Variants in SUMF1 observed in about 807,000 individuals in gnomAD.
SUMF1 encodes the protein formylglycine-generating enzyme.
In SUMF1, 48 loss-of-function variants were observed where a neutral mutation model predicts 47.6. That is an observed-to-expected ratio of 1.01 (90% CI 0.80 to 1.28). The LOEUF (loss-of-function observed/expected upper bound fraction) is 1.28, where lower values mean the gene tolerates loss of function less well. Among genes scored for constraint, SUMF1 ranks in the 50% most tolerant of loss-of-function variants. SUMF1 has a pLI of 0.00. For missense variants in SUMF1, 571 were observed against 485.4 expected, an observed-to-expected ratio of 1.18 and a Z score of -1.66; for synonymous variants, 230 against 192.1, an observed-to-expected ratio of 1.20 and a Z score of -1.63.
At chr3:4,161,008 T>C (rs1435971393) in intron 8 of SUMF1, among the ~76,000 whole-genome samples, 2 of 152,110 alleles carry the variant, frequency 1.3e-5, no homozygotes, top group Non-Finnish European at 2.9e-5. Context: ...GGTATTGTGA[T>C]CTAAATTTTT....
chr3:4,424,717 T>C (rs547660827), intron 3 of SUMF1, among the ~76,000 whole-genome samples: 1 of 152,358 alleles, frequency 6.6e-6, no homozygotes, highest in East Asian at 1.9e-4. Flanking sequence ...AAAGGTAACC[T>C]ATAGAATACA....
chr3:4,389,548 C>T (rs73809535), intron 7 of SUMF1, among the ~76,000 whole-genome samples: 5,488 of 152,252 alleles, frequency 0.036, 152 homozygotes, highest in African/African-American at 0.08. Flanking sequence ...AAGGACTCTT[C>T]TCATGCTGTC....
intron 8 of SUMF1, among the ~76,000 whole-genome samples, chr3:4,074,765 G>A (rs1019544924): frequency 6.6e-6 from 1 of 151,940 alleles, no homozygotes; most frequent in Non-Finnish European, 1.5e-5. Flanking sequence ...CCTGGATACA[G>A]ACACCCACCC....
chr3:4,135,201 G>A (rs1316447244), intron 8 of SUMF1, among the ~76,000 whole-genome samples: 1 of 152,134 alleles, frequency 6.6e-6, no homozygotes, highest in African/African-American at 2.4e-5. Context: ...TATCCTTGAT[G>A]AATATTGATG....
intron 8 of SUMF1, among the ~76,000 whole-genome samples, chr3:4,264,918 G>A (rs1697158096): frequency 6.6e-6 from 1 of 152,132 alleles, no homozygotes; most frequent in Admixed American, 6.5e-5. Flanking sequence ...TGGATCATCT[G>A]AGATCAGGAG....
Position 4,466,183 on chromosome 3 carries a change from C to T in SUMF1, c.270+793G>A, listed in dbSNP as rs1026273854. The stretch of plus-strand genomic sequence containing the variant: ...CTGGAGTGCAGTGGCAAGATCTCGG[C>T]TCACTGCAACCTCCGCCTCCCGGGT... On this transcript the variant is annotated intron_variant, in intron 1 of 8. Transcript: ENST00000272902. Among the ~76,000 whole-genome samples the T allele has an allele frequency of 2.0e-5, 3 of 152,186 alleles. No individual in the cohort carries two copies. In the East Asian group the frequency reaches 5.8e-4, roughly 29 times the overall value.
At chr3:4,375,701 A>G (rs1318579956) in intron 8 of SUMF1, among the ~76,000 whole-genome samples, 6 of 152,144 alleles carry the variant, frequency 3.9e-5, no homozygotes, top group Non-Finnish European at 7.4e-5. Context: ...AGGAGACGTG[A>G]AAAATATATG....
chr3:4,167,491 T>C (rs1179832287), intron 8 of SUMF1, among the ~76,000 whole-genome samples: 4 of 152,216 alleles, frequency 2.6e-5, no homozygotes, highest in African/African-American at 4.8e-5. Context: ...ACAGTGCTGA[T>C]TGGTACATTT....
chr3:4,362,306 G>A (rs922591779), intron 8 of SUMF1, 52 bp from the exon 9 acceptor site: 1 of 1,496,036 alleles, frequency 6.7e-7, no homozygotes, highest in Non-Finnish European at 9.3e-7. Flanking sequence ...TCAGCTGAAG[G>A]CTCTAACCCA....
Position 4,299,990 on chromosome 3 carries a change from G to A in SUMF1, c.1014+76340C>T, listed in dbSNP as rs932032992. Among the ~76,000 whole-genome samples, 20 of 152,054 alleles carry A rather than the reference G, an allele frequency of 1.3e-4. 1 individual carries two copies. The highest frequency in any genetic ancestry group is 4.4e-5 in the Non-Finnish European group (3 of 68,006). On this transcript the variant is annotated intron_variant and NMD_transcript_variant, in intron 8 of 12. Transcript: ENST00000448413. ...TTCTACATAGAATCAATTCCCTATTGATATAATTTGGATATTTGTCCTCAT... is the reference window on the plus strand; with the variant it reads ...TTCTACATAGAATCAATTCCCTATTAATATAATTTGGATATTTGTCCTCAT...
intron 8 of SUMF1, among the ~76,000 whole-genome samples, chr3:4,330,306 T>C (rs547790883): frequency 1.3e-5 from 2 of 152,332 alleles, no homozygotes; most frequent in East Asian, 3.9e-4. Flanking sequence ...ATTTACTGTA[T>C]TAGTCAGTTC....
chr3:4,447,967 A>C (rs937129454), intron 3 of SUMF1, among the ~76,000 whole-genome samples: 8 of 152,178 alleles, frequency 5.3e-5, no homozygotes, highest in Non-Finnish European at 1.2e-4. Context: ...TGAACTCAGT[A>C]TCTTAAAATA....
At chr3:4,245,283 C>T (rs1422417964) in intron 8 of SUMF1, among the ~76,000 whole-genome samples, 1 of 152,106 alleles carries the variant, frequency 6.6e-6, no homozygotes, top group Non-Finnish European at 1.5e-5. Context: ...CCCTTGCTAG[C>T]GAGGAGTTGT....
chr3:4,296,410 A>G (rs984094312), intron 8 of SUMF1, among the ~76,000 whole-genome samples: 3 of 152,092 alleles, frequency 2.0e-5, no homozygotes, highest in Admixed American at 6.6e-5. Context: ...GGCTGCTAAT[A>G]AAGACATACC....
chr3:4,334,138 G>A (rs1049945158), intron 8 of SUMF1, among the ~76,000 whole-genome samples: 30 of 151,074 alleles, frequency 2.0e-4, no homozygotes, highest in Non-Finnish European at 3.8e-4. Context: ...AAAAAAAAAA[G>A]TTTAAGTCAA....
chr3:4,182,851 A>T (rs1193496185), intron 8 of SUMF1, among the ~76,000 whole-genome samples: 2 of 152,140 alleles, frequency 1.3e-5, no homozygotes, highest in Non-Finnish European at 2.9e-5. Context: ...ATAATCCTAG[A>T]GGTAAATTAT....
Position 4,278,638 on chromosome 3 carries a change from G to A in SUMF1, c.1014+97692C>T, listed in dbSNP as rs980562601. On this transcript the variant is annotated intron_variant and NMD_transcript_variant, in intron 8 of 12. Transcript: ENST00000448413. ...GACAACAGAAACCGTTTAGACATAC[G>A]TTATCTCCCTCAAGTGGCACTGTCA... 3.3e-5 allele frequency among the ~76,000 whole-genome samples: 5 copies of A among 151,996 alleles called. No homozygotes were observed. The South Asian group carries it at 1.0e-3, about 32-fold the overall frequency.
intron 8 of SUMF1, among the ~76,000 whole-genome samples, chr3:4,083,839 CAAAAAAA>C (rs68132287): frequency 1.0e-5 from 1 of 95,954 alleles, no homozygotes; most frequent in African/African-American, 3.5e-5. Context: ...ACAGGCATGT[CAAAAAAA>C]AAAAAAAAGA....
At chr3:4,267,958 T>TGC in intron 8 of SUMF1, among the ~76,000 whole-genome samples, 1 of 149,506 alleles carries the variant, frequency 6.7e-6, no homozygotes, top group Middle Eastern at 3.4e-3. Context: ...GTGGCACTAT[T>TGC]CACAATAGCA....
Sources: gnomAD v4.1 joint callset for allele counts (sites outside exome capture counted in the v4.1 genomes callset) on GRCh38, gnomAD v4.1.1 for gene constraint, MANE v1.5 for transcripts, NCBI Gene and HGNC (gene_info 2026-07-23, HGNC 2026-07-21) for gene names.